GRAMD4: variants seen among roughly 807,000 people sequenced by gnomAD.
The protein encoded by GRAMD4 is GRAM domain containing 4.
In GRAMD4, 25 loss-of-function variants were observed where a neutral mutation model predicts 83.9. That is an observed-to-expected ratio of 0.30 (90% CI 0.22 to 0.42). GRAMD4 has a LOEUF of 0.42. Among genes scored for constraint, GRAMD4 ranks in the 10% least tolerant of loss-of-function variants. GRAMD4 has a pLI of 1.00. For synonymous variants in GRAMD4, 336 were observed against 320.9 expected, an observed-to-expected ratio of 1.05 and a Z score of -0.50; for missense variants, 593 against 788.7, an observed-to-expected ratio of 0.75 and a Z score of 2.97.
At chr22:46,657,705 A>G (rs1390059750) in intron 3 of GRAMD4, among the ~76,000 whole-genome samples, 1 of 152,158 alleles carries the variant, frequency 6.6e-6, no homozygotes, top group Non-Finnish European at 1.5e-5. Context: ...CCCCCTGGCC[A>G]GCTTGAGCTG....
At chr22:46,653,104 CTG>C (rs1261044093) in intron 3 of GRAMD4, among the ~76,000 whole-genome samples, 6 of 152,228 alleles carry the variant, frequency 3.9e-5, no homozygotes, top group African/African-American at 1.2e-4. Flanking sequence ...GTTTACTTAG[CTG>C]TCTTTGTACC....
At chr22:46,665,798 T>A in intron 9 of GRAMD4, 92 bp downstream of exon 9, 2 of 750,324 alleles carry the variant, frequency 2.7e-6, no homozygotes, top group Non-Finnish European at 4.7e-6. Context: ...CCCAGCTGGG[T>A]ATGTCATGCA....
intron 1 of GRAMD4, among the ~76,000 whole-genome samples, chr22:46,588,580 C>T (rs1488483222): frequency 6.6e-6 from 1 of 152,222 alleles, no homozygotes; most frequent in East Asian, 1.9e-4. Context: ...CAGTCTTAGC[C>T]ATCAGCTGCC....
intron 1 of GRAMD4, among the ~76,000 whole-genome samples, chr22:46,582,215 T>C (rs2081105385): frequency 6.6e-6 from 1 of 152,130 alleles, no homozygotes. Flanking sequence ...CGTGAAGCTT[T>C]GTGCTTGGTG....
intron 1 of GRAMD4, among the ~76,000 whole-genome samples, chr22:46,625,590 G>A (rs1374299290): frequency 1.3e-5 from 2 of 152,276 alleles, no homozygotes; most frequent in Admixed American, 6.5e-5. Context: ...CAGAAAGCTG[G>A]TCAGTGGCAG....
chr22:46,609,735 G>A (rs968189523), intron 1 of GRAMD4, among the ~76,000 whole-genome samples: 1 of 152,224 alleles, frequency 6.6e-6, no homozygotes, highest in African/African-American at 2.4e-5. Flanking sequence ...CAGCAGAGCA[G>A]GGTCTGCAGA....
intron 3 of GRAMD4, among the ~76,000 whole-genome samples, chr22:46,649,335 G>T (rs1212275936): frequency 6.6e-6 from 1 of 152,170 alleles, no homozygotes; most frequent in Non-Finnish European, 1.5e-5. Flanking sequence ...GGGAGGTTGT[G>T]GGGGCGAGGG....
chr22:46,591,473 C>T (rs898720874), intron 1 of GRAMD4, among the ~76,000 whole-genome samples: 1 of 152,014 alleles, frequency 6.6e-6, no homozygotes, highest in East Asian at 1.9e-4. Flanking sequence ...ATTTGGACGA[C>T]GTTACTGAAG....
chr22:46,609,625 G>A (rs1265277375), intron 1 of GRAMD4, among the ~76,000 whole-genome samples: 4 of 152,202 alleles, frequency 2.6e-5, no homozygotes, highest in Non-Finnish European at 5.9e-5. Context: ...GTGCCAGGCC[G>A]TGTGCTGGGC....
chr22:46,650,514 C>T lies in GRAMD4; in HGVS notation c.284-7673C>T, dbSNP rs544706369. On this transcript the variant is annotated intron_variant, in intron 3 of 18. Coordinates refer to ENST00000406902, the MANE Select transcript of GRAMD4 (RefSeq NM_015124.5). ...GCCTGAGCCGATGCATCTCCTTTGC[C>T]TCCCCTCAAATCAGCGTGGCCGTTC... 6.6e-5 allele frequency among the ~76,000 whole-genome samples: 10 copies of T among 152,332 alleles called. No homozygotes were observed. The South Asian group carries it at 2.1e-3, about 32-fold the overall frequency.
At position 46,621,215 on chromosome 22, in the gene GRAMD4, G is replaced by T. The variant is rs2081569979; in HGVS notation, c.-50+650G>T. On this transcript the variant is annotated intron_variant, in intron 1 of 18. Coordinates refer to ENST00000406902, the MANE Select transcript of GRAMD4 (RefSeq NM_015124.5). The surrounding 1 kb of genome is among the most constrained non-coding windows in gnomAD (Gnocchi z 5.8). ...TCGGGAGACCCGGGTCTGGCCTGAG[G>T]TGCAGCCTGGAGCTATGCTCAGTGT... 2.0e-5 allele frequency among the ~76,000 whole-genome samples: 3 copies of T among 152,148 alleles called. No individual in the cohort carries two copies. The highest frequency in any genetic ancestry group is 4.4e-5 in the Non-Finnish European group (3 of 68,012).
At chr22:46,616,125 CAGGTTCCCCTGTGTGT>C (rs1416108865), upstream of GRAMD4, among the ~76,000 whole-genome samples, 14 of 97,812 alleles carry the variant, frequency 1.4e-4, no homozygotes, top group African/African-American at 5.1e-4. Flanking sequence ...CCTGTGCGTG[CAGGTTCCCCTGTGTGT>C]AGGTTCCCCT....
Position 46,663,033 on chromosome 22 carries a change from C to T in GRAMD4, c.467-7C>T. 1 of 1,603,374 alleles carries T rather than the reference C, an allele frequency of 6.2e-7. No individual in the cohort carries two copies. Among genetic ancestry groups the T allele is most frequent in the East Asian group, 2.2e-5 (1 of 44,686 alleles). ...CCGTGCCCTCACCGGGTCCCTGCCC[C>T]CTGCAGAGCGCCGGAGCCAGGGGCT... On this transcript the variant is annotated splice_polypyrimidine_tract_variant and splice_region_variant and intron_variant, in intron 5 of 18. Transcript: ENST00000406902.
At chr22:46,652,135 G>A (rs2082175488) in intron 3 of GRAMD4, among the ~76,000 whole-genome samples, 1 of 152,184 alleles carries the variant, frequency 6.6e-6, no homozygotes, top group South Asian at 2.1e-4. Flanking sequence ...ATGGCAGAAG[G>A]GACTTTGTAG....
intron 3 of GRAMD4, among the ~76,000 whole-genome samples, chr22:46,648,803 C>CATGG (rs34423766): frequency 0.01 from 280 of 27,222 alleles, 43 homozygotes; most frequent in Admixed American, 0.013. Flanking sequence ...TGGATGGATG[C>CATGG]ATGGATGGAT....
intron 1 of GRAMD4, among the ~76,000 whole-genome samples, chr22:46,610,671 G>A (rs1019440120): frequency 1.6e-4 from 25 of 152,358 alleles, no homozygotes; most frequent in African/African-American, 6.0e-4. Context: ...CAAGGGCAGT[G>A]GCAGGAAGAC....
intron 1 of GRAMD4, chr22:46,588,043 G>A: frequency 1.4e-6 from 1 of 731,402 alleles, no homozygotes; most frequent in South Asian, 6.1e-5. Context: ...TAGATGTCGG[G>A]TTTAGAGAGA....
intron 1 of GRAMD4, among the ~76,000 whole-genome samples, chr22:46,577,789 T>A (rs1227524378): frequency 6.6e-6 from 1 of 152,214 alleles, no homozygotes; most frequent in Non-Finnish European, 1.5e-5. Context: ...CCCCACTTTC[T>A]GCCCTGTCTT....
Position 46,663,131 on chromosome 22 carries a change from G to A in GRAMD4, c.558G>A (p.Glu186=), listed in dbSNP as rs760991330. The A allele has an allele frequency of 5.6e-6, 9 of 1,612,430 alleles. No homozygotes were observed. The highest frequency in any genetic ancestry group is 6.8e-6 in the Non-Finnish European group (8 of 1,179,724). ...TGGAGGACTTCCGGTTCCAGCCCGAGGAGAACACTGTGGAGACAGAGGAAC... is the reference window on the plus strand; with the variant it reads ...TGGAGGACTTCCGGTTCCAGCCCGAAGAGAACACTGTGGAGACAGAGGAAC... ...EYVEDFRFQP[E]ENTVETEEPL... is the part of the protein sequence containing the mutation. The change falls in exon 6 of 19, where the codon GAG becomes GAA. Residue 186 remains glutamate (E), a synonymous_variant. Transcript: ENST00000406902.
Sources: gnomAD v4.1 joint callset for allele counts (sites outside exome capture counted in the v4.1 genomes callset) on GRCh38, gnomAD v4.1.1 for gene constraint, Gnocchi (gnomAD v3.1) non-coding constraint, MANE v1.5 for transcripts, NCBI Gene and HGNC (gene_info 2026-07-23, HGNC 2026-07-21) for gene names.